Variants in PIK3C2B observed in about 807,000 individuals in gnomAD.
PIK3C2B encodes phosphatidylinositol 4-phosphate 3-kinase C2 domain-containing subunit beta.
A neutral mutation model predicts 184.3 loss-of-function variants in PIK3C2B; 83 were observed. The observed-to-expected ratio is 0.45, with a 90% CI of 0.38 to 0.54. The LOEUF (loss-of-function observed/expected upper bound fraction) is 0.54, where lower values mean the gene tolerates loss of function less well. Among genes scored for constraint, PIK3C2B ranks in the 20% least tolerant of loss-of-function variants. PIK3C2B has a pLI of 0.00. For missense variants in PIK3C2B, 1,736 were observed against 2,113.5 expected (o/e 0.82, Z 3.50); for synonymous variants, 779 against 837.6 (o/e 0.93, Z 1.21).
Position 204,431,933 on chromosome 1 carries a change from G to T in PIK3C2B, c.4156-140C>A, listed in dbSNP as rs368262265. On this transcript the variant is annotated intron_variant, in intron 27 of 32. Transcript: ENST00000684373. ...GAAGAGAGCAAGAGTGGAGACAGAT[G>T]ATAGCACATACACAGGAATCTAAAA... The T allele has an allele frequency of 2.1e-5, 20 of 940,796 alleles. No individual in the cohort carries two copies. The East Asian group carries it at 2.2e-4, about 10-fold the overall frequency. The allele number at this position is 940,796 out of a possible 1,614,324, so 58.3% of individuals were successfully genotyped here.
Position 204,447,971 on chromosome 1 carries a change from C to T in PIK3C2B, c.2347-393G>A, listed in dbSNP as rs192817834. 1.8e-4 allele frequency among the ~76,000 whole-genome samples: 27 copies of T among 152,228 alleles called. No homozygotes were observed. The East Asian group carries it at 4.1e-3, about 23-fold the overall frequency. On this transcript the variant is annotated intron_variant, in intron 14 of 32. Coordinates refer to ENST00000684373, the MANE Select transcript of PIK3C2B (RefSeq NM_001377334.1). The surrounding 1 kb of genome is among the most constrained non-coding windows in gnomAD (Gnocchi z 4.1). ...CACTGCTGCCAGAGGGGAGGCAAGA[C>T]CACACACTGGGAGAAGGCCCTGGGA...
chr1:204,458,305 T>C (rs1039039766), intron 8 of PIK3C2B, among the ~76,000 whole-genome samples: 8 of 152,150 alleles, frequency 5.3e-5, no homozygotes, highest in African/African-American at 1.2e-4. Context: ...TGATTACCTA[T>C]GTACATTTAA....
chr1:204,448,888 TGAA>T (rs1241475310), intron 14 of PIK3C2B, among the ~76,000 whole-genome samples: 5 of 152,106 alleles, frequency 3.3e-5, no homozygotes, highest in African/African-American at 1.2e-4. Flanking sequence ...CTTAGACGTA[TGAA>T]GATTCAATAC....
chr1:204,482,373 T>C (rs74140708), intron 1 of PIK3C2B, among the ~76,000 whole-genome samples: 10,752 of 152,276 alleles, frequency 0.071, 1,262 homozygotes, highest in African/African-American at 0.24. Context: ...TTCTTCCTGG[T>C]AGCAGGCCAG....
chr1:204,492,590 G>T (rs1658077637), intron 1 of PIK3C2B, among the ~76,000 whole-genome samples: 1 of 152,122 alleles, frequency 6.6e-6, no homozygotes, highest in Admixed American at 6.5e-5. Context: ...GGCCCACGAG[G>T]GTATAGAGTA....
chr1:204,444,261 C>A, intron 17 of PIK3C2B, 70 bp downstream of exon 17: 1 of 1,464,402 alleles, frequency 6.8e-7, no homozygotes. Flanking sequence ...TTCTAAGGGG[C>A]AGAATGCAGA....
At position 204,484,119 on chromosome 1, in the gene PIK3C2B, T is replaced by C. The variant is rs977254479; in HGVS notation, c.-85+10237A>G. 5.9e-5 allele frequency among the ~76,000 whole-genome samples: 9 copies of C among 151,918 alleles called. 1 individual carries two copies. Among genetic ancestry groups the C allele is most frequent in the Admixed American group, 3.3e-4 (5 of 15,256 alleles). ...GGGAAAGAGAAGGAAGGCAGAGAAG[T>C]GGGGAGACAGGAGGGAAGACTACAT... On this transcript the variant is annotated intron_variant, in intron 1 of 32. Coordinates refer to ENST00000684373, the MANE Select transcript of PIK3C2B (RefSeq NM_001377334.1).
chr1:204,445,050 C>T (rs1653731683), intron 16 of PIK3C2B, among the ~76,000 whole-genome samples: 1 of 151,888 alleles, frequency 6.6e-6, no homozygotes, highest in African/African-American at 2.4e-5. Flanking sequence ...CCTTGGGTCC[C>T]AAGAGAACCC....
intron 12 of PIK3C2B, among the ~76,000 whole-genome samples, chr1:204,452,288 CTTTTTTTTTT>C (rs71145086): frequency 1.4e-5 from 1 of 71,050 alleles, no homozygotes; most frequent in African/African-American, 5.5e-5. Context: ...GTGCAGCACC[CTTTTTTTTTT>C]TTTTTTTTTT....
rs45492196 is a variant in PIK3C2B, at chr1:204,465,310, G to T, written c.943C>A (p.Arg315=). 6.2e-7 allele frequency: 1 copy of T among 1,610,164 alleles called. No homozygotes were observed. Among genetic ancestry groups the T allele is most frequent in the Non-Finnish European group, 8.5e-7 (1 of 1,176,538 alleles). ...TGGCCATTGGCAACAGTGTGGGGCCGGGAGCCCACCTTTAAGAGAAGAGCA... is the reference window on the plus strand; with the variant it reads ...TGGCCATTGGCAACAGTGTGGGGCCTGGAGCCCACCTTTAAGAGAAGAGCA... ...RRISAAPVGS[R]PHTVANGHEL... The change falls in exon 3 of 33, where the codon CGG becomes AGG. Residue 315 remains arginine, a synonymous_variant. Coordinates refer to ENST00000684373, the MANE Select transcript of PIK3C2B (RefSeq NM_001377334.1).
chr1:204,464,148 T>C lies in PIK3C2B; in HGVS notation c.1190-16A>G. On this transcript the variant is annotated splice_polypyrimidine_tract_variant and intron_variant, in intron 4 of 32. Coordinates refer to ENST00000684373, the MANE Select transcript of PIK3C2B (RefSeq NM_001377334.1). ...GTGGAGGAACCTGTGAAGGGTAAGGTAGGGGGAGCAATCATGATGGATGTC... is the reference window on the plus strand; with the variant it reads ...GTGGAGGAACCTGTGAAGGGTAAGGCAGGGGGAGCAATCATGATGGATGTC... 6.2e-7 allele frequency: 1 copy of C among 1,612,828 alleles called. No homozygotes were observed. Among genetic ancestry groups the C allele is most frequent in the Non-Finnish European group, 8.5e-7 (1 of 1,179,388 alleles).
intron 7 of PIK3C2B, 50 bp downstream of exon 7, chr1:204,460,274 C>T (rs749064366): frequency 2.3e-5 from 33 of 1,409,308 alleles, no homozygotes; most frequent in Non-Finnish European, 3.0e-5. Flanking sequence ...CTGATGGGAT[C>T]CCTGCACAGT....
At chr1:204,466,513 G>T (rs1370658922) in intron 2 of PIK3C2B, among the ~76,000 whole-genome samples, 2 of 152,166 alleles carry the variant, frequency 1.3e-5, no homozygotes, top group African/African-American at 4.8e-5. Flanking sequence ...GGGGAGGGCA[G>T]CAGTGGGGAC....
chr1:204,446,036 A>G lies in PIK3C2B; in HGVS notation c.2598T>C (p.Ala866=). ...GGAGAACATAGATGTCAGGCAGGCA[A>G]GCCCACTCCCAGCTGGGGGCGCTGG... ...VLASAPSWEW[A]CLPDIYVLLK... is the part of the protein sequence containing the mutation. Residue 866 remains alanine (A), a synonymous_variant, in exon 16 of 33, where the codon GCT becomes GCC. Transcript: ENST00000684373. 6.2e-7 allele frequency: 1 copy of G among 1,604,522 alleles called. No homozygotes were observed. Among genetic ancestry groups the G allele is most frequent in the Admixed American group, 1.7e-5 (1 of 59,482 alleles).
chr1:204,443,275 G>A (rs969933170), intron 19 of PIK3C2B, 142 bp downstream of exon 19: 17 of 688,222 alleles, frequency 2.5e-5, no homozygotes, highest in African/African-American at 2.0e-4. Context: ...GCCTGTTTAC[G>A]GCCTAGTTTC....
Position 204,440,330 on chromosome 1 carries a change from A to C in PIK3C2B, c.3250-9T>G. The C allele has an allele frequency of 6.3e-7, 1 of 1,576,358 alleles. No individual in the cohort carries two copies. ...CGAAGGTCGTCCCCACACTGGATGG[A>C]GGGAGAAAGTGACCAGATCTAATCT... On this transcript the variant is annotated splice_polypyrimidine_tract_variant and intron_variant, in intron 21 of 32. Transcript: ENST00000684373.
rs776247517 is a variant in PIK3C2B at position 204,440,786 on chromosome 1, TA to T, written c.3250-466del. 5.1e-3 allele frequency among the ~76,000 whole-genome samples: 769 copies of T among 149,466 alleles called. 10 individuals carry two copies. Among genetic ancestry groups the T allele is most frequent in the Middle Eastern group, 0.01 (3 of 286 alleles). On this transcript the variant is annotated intron_variant, in intron 21 of 32. Coordinates refer to ENST00000684373, the MANE Select transcript of PIK3C2B (RefSeq NM_001377334.1). Reference sequence around the variant, plus strand: ...TAATTTATATATATATATATATATATATTTTTAGTAGAGATGGGGTCTCACC... The same window carrying T: ...TAATTTATATATATATATATATATATTTTTTAGTAGAGATGGGGTCTCACC...
At chr1:204,426,075 T>G (rs1674724916) in intron 31 of PIK3C2B, among the ~76,000 whole-genome samples, 1 of 152,222 alleles carries the variant, frequency 6.6e-6, no homozygotes, top group Non-Finnish European at 1.5e-5. Context: ...TCCTTATCTA[T>G]TTTGTCATTT....
intron 22 of PIK3C2B, among the ~76,000 whole-genome samples, chr1:204,439,737 C>T (rs1283036728): frequency 6.6e-6 from 1 of 152,118 alleles, no homozygotes. Flanking sequence ...TGGACTCAAG[C>T]GATCCATCTG....
Sources: allele counts gnomAD v4.1 joint callset (sites outside exome capture counted in the v4.1 genomes callset), GRCh38; gene constraint gnomAD v4.1.1; non-coding constraint Gnocchi (gnomAD v3.1); transcripts MANE v1.5; gene names NCBI Gene and HGNC (gene_info 2026-07-23, HGNC 2026-07-21).